Variants in KLHL29 observed in about 807,000 individuals in gnomAD.
The protein encoded by KLHL29 is kelch like family member 29.
In KLHL29, 21 loss-of-function variants were observed where a neutral mutation model predicts 80.4. That is an observed-to-expected ratio of 0.26 (90% CI 0.19 to 0.38). The LOEUF is 0.38. Ranked by LOEUF, KLHL29 falls within the 10% of genes least tolerant of loss-of-function variation. The pLI, the probability that KLHL29 is intolerant of heterozygous loss-of-function variation, is 1.00. For missense variants in KLHL29, 867 were observed against 1,223.9 expected, an observed-to-expected ratio of 0.71 and a Z score of 4.35; for synonymous variants, 511 against 526.8, an observed-to-expected ratio of 0.97 and a Z score of 0.41.
intron 5 of KLHL29, chr2:23,643,316 T>C: frequency 3.3e-6 from 1 of 303,944 alleles, no homozygotes; most frequent in South Asian, 3.2e-5. Context: ...CTCTCTGTCG[T>C]GCCATCGGAT....
At chr2:23,653,883 C>T (rs1442373579) in intron 5 of KLHL29, among the ~76,000 whole-genome samples, 2 of 152,138 alleles carry the variant, frequency 1.3e-5, no homozygotes, top group Admixed American at 1.3e-4. Flanking sequence ...TGCCCAGCTT[C>T]GGCCAGGCAC....
intron 2 of KLHL29, among the ~76,000 whole-genome samples, chr2:23,541,217 G>A (rs1274781346): frequency 6.6e-6 from 1 of 152,346 alleles, no homozygotes; most frequent in East Asian, 1.9e-4. Flanking sequence ...CAAATATTTG[G>A]TGTGTTAACG....
chr2:23,385,829 G>A (rs1284917175), intron 1 of KLHL29, 49 bp downstream of exon 1: 1 of 151,782 alleles, frequency 6.6e-6, no homozygotes, highest in Non-Finnish European at 1.5e-5. Context: ...GCCGGAGGGA[G>A]ACCCAGGTCC....
intron 11 of KLHL29, among the ~76,000 whole-genome samples, chr2:23,699,459 A>G (rs2149219397): frequency 6.6e-6 from 1 of 152,350 alleles, no homozygotes; most frequent in East Asian, 1.9e-4. Context: ...GGAACCCGAC[A>G]GAAACACTGA....
At chr2:23,622,782 C>G (rs1182578785) in intron 3 of KLHL29, among the ~76,000 whole-genome samples, 1 of 152,240 alleles carries the variant, frequency 6.6e-6, no homozygotes, top group Non-Finnish European at 1.5e-5. Flanking sequence ...ACATATAGCA[C>G]CCACGTGTTC....
intron 3 of KLHL29, among the ~76,000 whole-genome samples, chr2:23,598,054 C>T (rs1668473612): frequency 1.3e-5 from 2 of 152,260 alleles, no homozygotes; most frequent in Admixed American, 1.3e-4. Context: ...GAGGCTGGGC[C>T]GCTCTGAAGT....
rs1665502434 is a variant in KLHL29, at chr2:23,503,146, T to C, written c.-46+27479T>C. Among the ~76,000 whole-genome samples, 1 of 152,102 alleles carries C rather than the reference T, an allele frequency of 6.6e-6. No homozygotes were observed. Among genetic ancestry groups the C allele is most frequent in the African/African-American group, 2.4e-5 (1 of 41,414 alleles). On this transcript the variant is annotated intron_variant, in intron 2 of 13. Transcript: ENST00000486442. The surrounding 1 kb of genome is among the most constrained non-coding windows in gnomAD (Gnocchi z 4.0). ...CATGATAAGAAAAGGAGTAAGCAAT[T>C]AAAATGCACAGGGCTACGGCAAGGG...
chr2:23,585,131 C>T (rs1220638882), intron 3 of KLHL29, among the ~76,000 whole-genome samples: 3 of 152,200 alleles, frequency 2.0e-5, no homozygotes, highest in Admixed American at 6.5e-5. Flanking sequence ...GGTACACACC[C>T]GAGTGGGCTG....
At chr2:23,509,642 G>T (rs748951694) in intron 2 of KLHL29, among the ~76,000 whole-genome samples, 30 of 152,030 alleles carry the variant, frequency 2.0e-4, no homozygotes, top group African/African-American at 7.2e-4. Context: ...ATATGTGCAC[G>T]GTGCAATACA....
At chr2:23,694,599 TCTC>T (rs1671831708) in intron 8 of KLHL29, among the ~76,000 whole-genome samples, 1 of 152,056 alleles carries the variant, frequency 6.6e-6, no homozygotes, top group Admixed American at 6.6e-5. Context: ...CCCCAGCCTC[TCTC>T]CTCTCACTTC....
In KLHL29 at chr2:23,645,003, C is replaced by T. The variant is rs528174499; in HGVS notation, c.940+2153C>T. ...TCTTTCCTCGAAATTCCATGTAACT[C>T]GCTTCTCTATTTACGGCCTCATCAG... is the stretch of plus-strand genomic sequence containing the variant. On this transcript the variant is annotated intron_variant, in intron 5 of 13. Transcript: ENST00000486442. Among the ~76,000 whole-genome samples, 13 of 152,314 alleles carry T rather than the reference C, an allele frequency of 8.5e-5. No homozygotes were observed. The East Asian group carries it at 9.6e-4, about 11-fold the overall frequency.
intron 5 of KLHL29, among the ~76,000 whole-genome samples, chr2:23,649,979 C>T (rs939541811): frequency 6.6e-6 from 1 of 152,220 alleles, no homozygotes; most frequent in African/African-American, 2.4e-5. Context: ...CTTACTGAGC[C>T]ATCACGTTGT....
At chr2:23,385,958 G>A (rs1402799893) in intron 1 of KLHL29, among the ~76,000 whole-genome samples, 178 bp downstream of exon 1, 1 of 152,046 alleles carries the variant, frequency 6.6e-6, no homozygotes, top group South Asian at 2.1e-4. Flanking sequence ...GGACTCGCAG[G>A]CTGCAGGAGC....
intron 3 of KLHL29, among the ~76,000 whole-genome samples, chr2:23,634,305 A>C (rs1035673088): frequency 6.6e-6 from 1 of 152,162 alleles, no homozygotes; most frequent in African/African-American, 2.4e-5. Flanking sequence ...CCCTCCAGGA[A>C]AGGCCCATGT....
At chr2:23,654,668 G>A (rs1670185091) in intron 5 of KLHL29, among the ~76,000 whole-genome samples, 1 of 113,138 alleles carries the variant, frequency 8.8e-6, no homozygotes, top group South Asian at 3.7e-4. Context: ...GGGAGATGCA[G>A]CCTTCTCTTC....
chr2:23,464,991 TC>T (rs1162928677), intron 1 of KLHL29, among the ~76,000 whole-genome samples: 1 of 152,246 alleles, frequency 6.6e-6, no homozygotes, highest in Non-Finnish European at 1.5e-5. Flanking sequence ...CAGCAGCCCT[TC>T]CTCATCTAAA....
At chr2:23,689,912 A>G (rs1236573335) in intron 6 of KLHL29, 1 of 152,312 alleles carries the variant, frequency 6.6e-6, no homozygotes, top group Non-Finnish European at 1.5e-5. Flanking sequence ...AATTCACTTT[A>G]GAAGTCACTC....
In KLHL29 at chr2:23,703,275, TCTAC is replaced by T. The variant is rs1672507943; in HGVS notation, c.2196_2199del (p.Ile732MetfsTer6). ...GCAGCCACAGTGTGTGGCGGCAAGATCTACGTGTTTGGTGGGGTGAACGAGGCAG... is the reference window on the plus strand; with the variant it reads ...GCAGCCACAGTGTGTGGCGGCAAGATGTGTTTGGTGGGGTGAACGAGGCAG... On this transcript the variant is annotated frameshift_variant, in exon 12 of 14. Coordinates refer to ENST00000486442, the MANE Select transcript of KLHL29 (RefSeq NM_052920.2). LOFTEE classifies it high-confidence loss of function. 1 of 1,549,068 alleles carries T rather than the reference TCTAC, an allele frequency of 6.5e-7. No homozygotes were observed. The highest frequency in any genetic ancestry group is 1.4e-5 in the African/African-American group (1 of 72,950).
intron 2 of KLHL29, among the ~76,000 whole-genome samples, chr2:23,553,040 A>G (rs1667169385): frequency 6.6e-6 from 1 of 152,222 alleles, no homozygotes; most frequent in African/African-American, 2.4e-5. Flanking sequence ...GATTATAGGC[A>G]TGAGCCACCA....
Sources: allele counts gnomAD v4.1 joint callset (sites outside exome capture counted in the v4.1 genomes callset), GRCh38; gene constraint gnomAD v4.1.1; non-coding constraint Gnocchi (gnomAD v3.1); transcripts MANE v1.5; gene names NCBI Gene and HGNC (gene_info 2026-07-23, HGNC 2026-07-21).